UGT2A3: variants seen among roughly 807,000 people sequenced by gnomAD.
UGT2A3 encodes the protein UDP-glucuronosyltransferase 2A3.
A neutral mutation model predicts 44.1 loss-of-function variants in UGT2A3; 55 were observed. That is an observed-to-expected ratio of 1.25 (90% CI 1.00 to 1.56). The LOEUF (loss-of-function observed/expected upper bound fraction) is 1.56, where lower values mean the gene tolerates loss of function less well. Ranked by LOEUF, UGT2A3 falls within the 40% of genes most tolerant of loss-of-function variation. The pLI is 0.00. For synonymous variants in UGT2A3, 243 were observed against 215.1 expected (o/e 1.13, Z -1.13); for missense variants, 733 against 621.6 (o/e 1.18, Z -1.91).
chr4:68,947,538 T>C (rs775702628), intron 1 of UGT2A3, among the ~76,000 whole-genome samples: 6 of 151,822 alleles, frequency 4.0e-5, no homozygotes, highest in Non-Finnish European at 8.8e-5. Flanking sequence ...AAACTCTTGT[T>C]AATGTTAATA....
chr4:68,947,993 A>G (rs573948724), intron 1 of UGT2A3, among the ~76,000 whole-genome samples: 6 of 151,830 alleles, frequency 4.0e-5, no homozygotes, highest in Non-Finnish European at 7.4e-5. Context: ...CAAAAAGTAA[A>G]TGGGCATTGG....
chr4:68,944,673 T>A (rs1421563167), intron 2 of UGT2A3, among the ~76,000 whole-genome samples: 1 of 151,790 alleles, frequency 6.6e-6, no homozygotes, highest in African/African-American at 2.4e-5. Context: ...GGTTGAAACC[T>A]TGTTTTTCTC....
intron 5 of UGT2A3, 34 bp downstream of exon 5, chr4:68,930,512 T>A (rs756994207): frequency 6.5e-7 from 1 of 1,546,946 alleles, no homozygotes; most frequent in African/African-American, 1.4e-5. Context: ...ACATAGTCAA[T>A]GTTAGATCAG....
At chr4:68,935,891 A>G (rs28858164) in intron 2 of UGT2A3, among the ~76,000 whole-genome samples, 11,084 of 152,196 alleles carry the variant, frequency 0.073, 1,150 homozygotes, top group African/African-American at 0.23. Flanking sequence ...GCTGAAAACC[A>G]TAGCATGAGA....
At chr4:68,945,702 GGGAAGGATGGAAAGAAGGAA>G (rs1718362330) in intron 1 of UGT2A3, among the ~76,000 whole-genome samples, 1 of 133,636 alleles carries the variant, frequency 7.5e-6, no homozygotes, top group Non-Finnish European at 1.7e-5. Context: ...GATGGAGGGA[GGGAAGGATGGAAAGAAGGAA>G]GGAAGGAAGG....
chr4:68,948,724 T>A (rs1029830534), intron 1 of UGT2A3, among the ~76,000 whole-genome samples: 2 of 151,926 alleles, frequency 1.3e-5, no homozygotes, highest in Non-Finnish European at 2.9e-5. Flanking sequence ...TTTAATTTCC[T>A]CCAAAAACTT....
rs1717627529 is a variant in UGT2A3 at position 68,929,233 on chromosome 4, T to C, written c.*580A>G. 1 of 152,154 alleles carries C rather than the reference T, an allele frequency of 6.6e-6. No individual in the cohort carries two copies. The highest frequency in any genetic ancestry group is 6.6e-5 in the Admixed American group (1 of 15,248). The allele number at this position is 152,154 out of a possible 1,614,324, so 9.4% of individuals were successfully genotyped here. On this transcript the variant is annotated 3_prime_UTR_variant, in exon 6 of 6. Transcript: ENST00000251566. ...TGAGTGATGGCAGAAATGTAGGCCA[T>C]GACATCTAGATGAGGTCTATGGAAA...
Position 68,948,087 on chromosome 4 carries a change from C to T in UGT2A3, c.716-2633G>A, listed in dbSNP as rs569311072. On this transcript the variant is annotated intron_variant, in intron 1 of 5. Coordinates refer to ENST00000251566, the MANE Select transcript of UGT2A3 (RefSeq NM_024743.4). ...GCTTCAAAGACAAGCATTGACTTCT[C>T]TTCTCTAGCTATGAAAGTTTTAAAT... is the stretch of plus-strand genomic sequence containing the variant. Among the ~76,000 whole-genome samples the T allele has an allele frequency of 2.1e-4, 32 of 151,940 alleles. No individual in the cohort carries two copies. The South Asian group carries it at 6.0e-3, about 29-fold the overall frequency.
chr4:68,929,871 C>G lies in UGT2A3; in HGVS notation c.1526G>C (p.Cys509Ser), dbSNP rs1206816288. ...VATAIFLFTK[C>S]FLFSCQKFNK... ...AAATTTTTGACAGGAAAATAAAAAA[C>G]ATTTTGTGAACAAGAATATAGCAGT... The change falls in exon 6 of 6, where the codon TGT becomes TCT. Residue 509 changes from cysteine (C) to serine (S), a missense_variant. Coordinates refer to ENST00000251566, the MANE Select transcript of UGT2A3 (RefSeq NM_024743.4). 11 of 1,609,428 alleles carry G rather than the reference C, an allele frequency of 6.8e-6. No individual in the cohort carries two copies. The highest frequency in any genetic ancestry group is 9.3e-6 in the Non-Finnish European group (11 of 1,177,932).
intron 4 of UGT2A3, 58 bp from the exon 5 acceptor site, chr4:68,930,823 A>T (rs1717708774): frequency 1.4e-6 from 2 of 1,388,064 alleles, no homozygotes; most frequent in East Asian, 4.9e-5. Context: ...TTTTAAAATT[A>T]TTTAAAGACT....
intron 1 of UGT2A3, among the ~76,000 whole-genome samples, chr4:68,949,468 G>T (rs139757740): frequency 2.0e-5 from 3 of 151,750 alleles, no homozygotes; most frequent in African/African-American, 7.3e-5. Context: ...GCTAATAAAC[G>T]TGTAACCATC....
intron 2 of UGT2A3, among the ~76,000 whole-genome samples, chr4:68,938,481 A>G (rs1718041010): frequency 6.6e-6 from 1 of 152,112 alleles, no homozygotes; most frequent in Non-Finnish European, 1.5e-5. Context: ...GATGCAGAAA[A>G]CACCTTCAAC....
At chr4:68,947,526 C>T (rs1419532104) in intron 1 of UGT2A3, among the ~76,000 whole-genome samples, 3 of 151,684 alleles carry the variant, frequency 2.0e-5, no homozygotes, top group African/African-American at 4.8e-5. Context: ...CAAATTTTTT[C>T]CAAACTCTTG....
In UGT2A3 at chr4:68,932,767, TA is replaced by T. The variant is rs1432518942; in HGVS notation, c.865-9del. 20 of 1,605,534 alleles carry T rather than the reference TA, an allele frequency of 1.2e-5. No homozygotes were observed. The highest frequency in any genetic ancestry group is 1.7e-5 in the Non-Finnish European group (20 of 1,176,260). ...GACAAAATTTTCCATTTCCTGAAGA[TA>T]AAAATTTATCTGCATTACAGAGGCA... On this transcript the variant is annotated splice_polypyrimidine_tract_variant and intron_variant, in intron 2 of 5. Transcript: ENST00000251566.
Position 68,931,355 on chromosome 4 carries a change from CA to C in UGT2A3, c.997-114del. 5.0e-6 allele frequency: 4 copies of C among 806,510 alleles called. No individual in the cohort carries two copies. The Admixed American group carries it at 7.8e-5, about 16-fold the overall frequency. The allele number at this position is 806,510 out of a possible 1,614,324, so 50.0% of individuals were successfully genotyped here. A position where few individuals can be genotyped will look rare whatever the true frequency, so the allele number is the denominator to read the frequency against. On this transcript the variant is annotated intron_variant, in intron 3 of 5. Coordinates refer to ENST00000251566, the MANE Select transcript of UGT2A3 (RefSeq NM_024743.4). ...ATTGTACTTCAGGTGATGGTTGAGA[CA>C]GGGGTGTGTAGAGCTACCGCGTAAA...
chr4:68,931,068 T>C, intron 4 of UGT2A3, 87 bp downstream of exon 4: 1 of 1,108,084 alleles, frequency 9.0e-7, no homozygotes, highest in African/African-American at 1.6e-5. Flanking sequence ...TTTTATAATT[T>C]TAGATCTTTG....
intron 1 of UGT2A3, among the ~76,000 whole-genome samples, chr4:68,945,822 A>G (rs912002539): frequency 2.1e-4 from 32 of 151,576 alleles, no homozygotes; most frequent in Non-Finnish European, 4.1e-4. Context: ...CCAAAATGCA[A>G]ATGAATTTAT....
At chr4:68,938,286 A>C (rs925805074) in intron 2 of UGT2A3, among the ~76,000 whole-genome samples, 3 of 152,092 alleles carry the variant, frequency 2.0e-5, no homozygotes, top group Non-Finnish European at 4.4e-5. Flanking sequence ...TCTCTGAGGA[A>C]TATCACTGCA....
At position 68,951,444 on chromosome 4, in the gene UGT2A3, G is replaced by T. The variant is rs1298546884; in HGVS notation, c.317C>A (p.Ser106Ter). The T allele has an allele frequency of 1.2e-5, 19 of 1,612,022 alleles. No individual in the cohort carries two copies. Among genetic ancestry groups the T allele is most frequent in the Non-Finnish European group, 1.5e-5 (18 of 1,179,086 alleles). Residue 106 changes from serine to a stop codon, truncating the protein, a stop_gained, in exon 1 of 6, where the codon TCA becomes TAA. Transcript: ENST00000251566. LOFTEE classifies it high-confidence loss of function. ...NVLPGLSTWQ[S>*]VIKLNDFFVE... is the part of the protein sequence containing the mutation. ...AAAAAAATCATTTAATTTTATAACT[G>T]ATTGCCAGGTTGATAAGCCTGGCAA...
Sources: allele counts gnomAD v4.1 joint callset (sites outside exome capture counted in the v4.1 genomes callset), GRCh38; gene constraint gnomAD v4.1.1; transcripts MANE v1.5; gene names NCBI Gene and HGNC (gene_info 2026-07-23, HGNC 2026-07-21).